Variants in ZNF732 observed in about 807,000 individuals in gnomAD.
The protein encoded by ZNF732 is zinc finger protein LOC654254.
Under a neutral mutation model 11.5 loss-of-function variants are expected in ZNF732, and 12 were observed. The ratio of observed to expected loss-of-function variants is 1.05; its 90% CI spans 0.67 to 1.70. The LOEUF (loss-of-function observed/expected upper bound fraction) is 1.70. Ranked by LOEUF, ZNF732 falls within the 40% of genes most tolerant of loss-of-function variation. The probability of loss-of-function intolerance (pLI) is 0.00; values close to 1 mark genes in which losing one functional copy is unlikely to be tolerated. For missense variants in ZNF732, 702 were observed against 676.9 expected (o/e 1.04, Z -0.41); for synonymous variants, 231 against 236.5 (o/e 0.98, Z 0.21).
intron 1 of ZNF732, among the ~76,000 whole-genome samples, chr4:297,237 C>T (rs572032514): frequency 8.8e-4 from 134 of 151,714 alleles, no homozygotes; most frequent in African/African-American, 3.1e-3. Context: ...CACTGCACTC[C>T]GCCTGGGCGA....
At chr4:304,466 T>C (rs1222209400) in intron 1 of ZNF732, among the ~76,000 whole-genome samples, 1 of 152,004 alleles carries the variant, frequency 6.6e-6, no homozygotes, top group African/African-American at 2.4e-5. Flanking sequence ...TTGCTCAACA[T>C]CAGTCAATGC....
intron 3 of ZNF732, among the ~76,000 whole-genome samples, chr4:294,236 G>A (rs1471867954): frequency 3.9e-5 from 6 of 152,144 alleles, no homozygotes; most frequent in Non-Finnish European, 2.9e-5. Flanking sequence ...TCTTAACCTC[G>A]TGATCCACCC....
chr4:305,382 A>C lies in ZNF732; in HGVS notation c.-72T>G. On this transcript the variant is annotated 5_prime_UTR_variant, in exon 1 of 4. Coordinates refer to ENST00000419098, the MANE Select transcript of ZNF732 (RefSeq NM_001137608.3). ...ATACCCGCAGGTCACAGAGCGACGG[A>C]GGCTGAGGCTGTGACCGAATCACCG... is the stretch of plus-strand genomic sequence containing the variant. 6.3e-7 allele frequency: 1 copy of C among 1,595,460 alleles called. No individual in the cohort carries two copies. Among genetic ancestry groups the C allele is most frequent in the South Asian group, 1.1e-5 (1 of 90,814 alleles).
Position 271,346 on chromosome 4 carries a change from C to G in ZNF732, c.1511G>C (p.Cys504Ser), listed in dbSNP as rs1719353115. The G allele has an allele frequency of 6.2e-7, 1 of 1,603,302 alleles. No individual in the cohort carries two copies. Among genetic ancestry groups the G allele is most frequent in the South Asian group, 1.1e-5 (1 of 89,646 alleles). ...TIHTGEKPYECEECGKAFGWS... is the reference protein window; with the variant it reads ...TIHTGEKPYESEECGKAFGWS... ...TCCAAAGGCTTTGCCACACTCTTCA[C>G]ATTCGTAAGGTTTCTCTCCAGTATG... is the stretch of plus-strand genomic sequence containing the variant. The change falls in exon 4 of 4, where the codon TGT (cysteine) becomes TCT (serine). Residue 504 changes from cysteine to serine, a missense_variant. By Grantham distance (112) the Cys-to-Ser change is moderately radical. Around this residue, in one of 3 missense-constraint regions of ZNF732, gnomAD observed 12 missense variants for 31.5 expected, o/e 0.38. Coordinates refer to ENST00000419098, the MANE Select transcript of ZNF732 (RefSeq NM_001137608.3).
chr4:298,618 A>G (rs1720012960), intron 1 of ZNF732, among the ~76,000 whole-genome samples: 2 of 152,188 alleles, frequency 1.3e-5, no homozygotes, highest in South Asian at 4.1e-4. Flanking sequence ...GAGTGTCCCC[A>G]GTGACCTTGG....
chr4:290,332 A>C (rs539839361), intron 3 of ZNF732, among the ~76,000 whole-genome samples: 1 of 152,336 alleles, frequency 6.6e-6, no homozygotes, highest in African/African-American at 2.4e-5. Context: ...GGATTCCAAA[A>C]ATAGTTCTGT....
chr4:271,385 T>TTA lies in ZNF732; in HGVS notation c.1470_1471dup (p.Lys491IlefsTer28), dbSNP rs782367086. On this transcript the variant is annotated frameshift_variant, in exon 4 of 4. Transcript: ENST00000419098. LOFTEE classifies it low-confidence loss of function (END_TRUNC). ...CTCTCCAGTATGAATTGTCTTATGT[T>TTA]TATTCAGGGCTCTGGAACATAAAAA... is the stretch of plus-strand genomic sequence containing the variant. The TTA allele has an allele frequency of 2.9e-5, 46 of 1,599,134 alleles. No homozygotes were observed. The highest frequency in any genetic ancestry group is 3.8e-5 in the Non-Finnish European group (45 of 1,172,394).
chr4:273,688 A>G (rs782522512), intron 3 of ZNF732, among the ~76,000 whole-genome samples: 11 of 151,894 alleles, frequency 7.2e-5, no homozygotes, highest in Admixed American at 3.3e-4. Context: ...ACACACACAG[A>G]TTTACAGCAA....
Position 272,532 on chromosome 4 carries a change from C to A in ZNF732, c.325G>T (p.Glu109Ter). 6.2e-7 allele frequency: 1 copy of A among 1,603,530 alleles called. No individual in the cohort carries two copies. The highest frequency in any genetic ancestry group is 8.5e-7 in the Non-Finnish European group (1 of 1,174,618). Residue 109 changes from glutamate (E) to a stop codon, truncating the protein, a stop_gained, in exon 4 of 4, where the codon GAG becomes TAG. Transcript: ENST00000419098. LOFTEE classifies it low-confidence loss of function (END_TRUNC). The part of the protein sequence containing the change: ...ILRRYEKCGH[E>*]NLELRKSCKR... ...CAGCTTTTTCTTAATTCTAAATTCT[C>A]ATGTCCACATTTCTCATATCTTCTT... is the stretch of plus-strand genomic sequence containing the variant.
chr4:278,318 A>G (rs1227096096), intron 3 of ZNF732, among the ~76,000 whole-genome samples: 1 of 152,246 alleles, frequency 6.6e-6, no homozygotes, highest in Admixed American at 6.5e-5. Flanking sequence ...AGGACTTTAC[A>G]TATTTACACA....
chr4:279,837 G>A (rs1396421029), intron 3 of ZNF732, among the ~76,000 whole-genome samples: 4 of 151,974 alleles, frequency 2.6e-5, no homozygotes, highest in African/African-American at 9.7e-5. Context: ...CTGTTTCTTT[G>A]ACTACTCACC....
chr4:295,887 C>T, intron 2 of ZNF732, 142 bp downstream of exon 2: 1 of 1,075,326 alleles, frequency 9.3e-7, no homozygotes, highest in Non-Finnish European at 1.3e-6. Flanking sequence ...TTCTTTTTTA[C>T]ACCAGCAAAC....
chr4:296,830 C>G lies in ZNF732; in HGVS notation c.4-675G>C, dbSNP rs188341214. ...GCAGGCACAGCATAGAGTCCCTTAC[C>G]CCAACACCCTTATCACAACACAAAT... On this transcript the variant is annotated intron_variant, in intron 1 of 3. Coordinates refer to ENST00000419098, the MANE Select transcript of ZNF732 (RefSeq NM_001137608.3). Among the ~76,000 whole-genome samples the G allele has an allele frequency of 1.2e-3, 179 of 152,198 alleles. 1 individual carries two copies. The highest frequency in any genetic ancestry group is 3.4e-3 in the Middle Eastern group (1 of 294).
intron 3 of ZNF732, among the ~76,000 whole-genome samples, chr4:273,065 G>C (rs1553838124): frequency 6.6e-6 from 1 of 152,084 alleles, no homozygotes; most frequent in Non-Finnish European, 1.5e-5. Flanking sequence ...ATAACAAAGA[G>C]TGCTGAAAGA....
chr4:279,694 T>C (rs1298607690), intron 3 of ZNF732, among the ~76,000 whole-genome samples: 2 of 152,200 alleles, frequency 1.3e-5, no homozygotes, highest in Non-Finnish European at 2.9e-5. Flanking sequence ...TAAGCAATGT[T>C]AGGTTTTTCA....
rs1287218815 is a variant in ZNF732 at position 299,518 on chromosome 4, T to TATATATACATATATACAC, written c.4-3364_4-3363insGTGTATATATGTATATAT. On this transcript the variant is annotated intron_variant, in intron 1 of 3. Coordinates refer to ENST00000419098, the MANE Select transcript of ZNF732 (RefSeq NM_001137608.3). The stretch of plus-strand genomic sequence containing the variant: ...GTGTATATATACACACATATACGTA[T>TATATATACATATATACAC]ATATGTGTATATATACATATATACA... Among the ~76,000 whole-genome samples, 7 of 122,636 alleles carry TATATATACATATATACAC rather than the reference T, an allele frequency of 5.7e-5. 2 individuals are homozygous for TATATATACATATATACAC. The highest frequency in any genetic ancestry group is 8.4e-5 in the Non-Finnish European group (5 of 59,282). 80.5% of individuals were successfully genotyped at this position (122,636 alleles called of 152,430 possible). A position where few individuals can be genotyped will look rare whatever the true frequency, so the allele number is the denominator to read the frequency against.
intron 3 of ZNF732, among the ~76,000 whole-genome samples, chr4:285,367 G>A (rs1581538616): frequency 6.6e-6 from 1 of 152,178 alleles, no homozygotes; most frequent in South Asian, 2.1e-4. Flanking sequence ...GGCTACTGGA[G>A]GAAACAGGTT....
At chr4:279,384 T>C (rs1719569571) in intron 3 of ZNF732, among the ~76,000 whole-genome samples, 1 of 150,948 alleles carries the variant, frequency 6.6e-6, no homozygotes, top group Non-Finnish European at 1.5e-5. Context: ...AGGCAGAGCT[T>C]GCAGTGAGCC....
intron 1 of ZNF732, among the ~76,000 whole-genome samples, chr4:299,376 T>TATATATACAC (rs1720034323): frequency 6.3e-5 from 4 of 63,596 alleles, no homozygotes; most frequent in African/African-American, 1.4e-4. Flanking sequence ...TATGTGTATA[T>TATATATACAC]ATATATACAC....
Sources: allele counts gnomAD v4.1 joint callset (sites outside exome capture counted in the v4.1 genomes callset), GRCh38; gene constraint gnomAD v4.1.1; regional missense constraint gnomAD v4.1.1; transcripts MANE v1.5; gene names NCBI Gene and HGNC (gene_info 2026-07-23, HGNC 2026-07-21).